Variants in ESR1 observed in about 807,000 individuals in gnomAD.
ESR1 encodes estrogen receptor.
ESR1 carries 12 observed loss-of-function variants against 52.7 expected under a neutral mutation model. The ratio of observed to expected loss-of-function variants is 0.23; its 90% confidence interval spans 0.15 to 0.37. ESR1 has a LOEUF of 0.37. Ranked by LOEUF, ESR1 falls within the 10% of genes least tolerant of loss-of-function variation. ESR1 has a pLI of 1.00. For synonymous variants in ESR1, 305 were observed against 316.8 expected (o/e 0.96, Z 0.39); for missense variants, 584 against 779.7 (o/e 0.75, Z 2.99).
intron 2 of ESR1, among the ~76,000 whole-genome samples, chr6:151,756,671 GA>G (rs1323655723): frequency 6.6e-6 from 1 of 152,204 alleles, no homozygotes; most frequent in African/African-American, 2.4e-5. Flanking sequence ...AATAAATTGA[GA>G]GTAACAAATT....
chr6:151,870,316 T>C (rs1790719421), intron 2 of ESR1, among the ~76,000 whole-genome samples: 1 of 152,202 alleles, frequency 6.6e-6, no homozygotes, highest in Non-Finnish European at 1.5e-5. Context: ...GAGATATAAC[T>C]ATGGAAGTGT....
intron 2 of ESR1, among the ~76,000 whole-genome samples, chr6:151,713,317 TG>T (rs1291230162): frequency 2.6e-5 from 4 of 152,204 alleles, no homozygotes; most frequent in Non-Finnish European, 5.9e-5. Context: ...GTTGTGTCTC[TG>T]CCAAGTTTTG....
chr6:151,838,398 A>G (rs1199926849), intron 1 of ESR1, among the ~76,000 whole-genome samples: 3 of 152,182 alleles, frequency 2.0e-5, no homozygotes, highest in Non-Finnish European at 4.4e-5. Context: ...TGATCTAGCC[A>G]TAGGTACTCA....
intron 4 of ESR1, among the ~76,000 whole-genome samples, chr6:151,960,145 G>A (rs1003523728): frequency 1.3e-5 from 2 of 152,156 alleles, no homozygotes; most frequent in East Asian, 3.8e-4. Flanking sequence ...AGTCTGGTTG[G>A]AAATGGCAGC....
intron 4 of ESR1, among the ~76,000 whole-genome samples, chr6:151,988,332 C>T (rs111676233): frequency 8.6e-4 from 131 of 152,124 alleles, no homozygotes; most frequent in Middle Eastern, 6.8e-3. Context: ...GTGCACAGTT[C>T]ACAGTAGGAT....
At position 152,122,732 on chromosome 6, in the gene ESR1, G is replaced by C. The variant is rs1182385674; in HGVS notation, c.851-2534G>C. On this transcript the variant is annotated intron_variant, in intron 6 of 6. Coordinates refer to the ESR1 transcript ENST00000427531. Reference sequence around the variant, plus strand: ...ATAACTCCAGTGTCGGAGGGACGCTGCTTTTTGCCTCTGCACCTTCCTGGA... The same window carrying C: ...ATAACTCCAGTGTCGGAGGGACGCTCCTTTTTGCCTCTGCACCTTCCTGGA... The C allele has an allele frequency of 6.8e-6, 11 of 1,609,266 alleles. No homozygotes were observed. In the Admixed American group the frequency reaches 1.8e-4, roughly 27 times the overall value.
At chr6:151,850,294 A>G (rs1786409608) in intron 2 of ESR1, among the ~76,000 whole-genome samples, 1 of 150,192 alleles carries the variant, frequency 6.7e-6, no homozygotes, top group Non-Finnish European at 1.5e-5. Context: ...ATACTTCAGT[A>G]TATGGGCCCT....
rs1269304129 is a variant in ESR1 at position 151,990,502 on chromosome 6, A to G, written c.1097-21154A>G. 3.3e-5 allele frequency among the ~76,000 whole-genome samples: 5 copies of G among 152,218 alleles called. No individual in the cohort carries two copies. The South Asian group carries it at 1.0e-3, about 32-fold the overall frequency. ...CTTGAAGTCCTCTGCATCTAACTTT[A>G]GGATGAGGAAAGTGAAGGTGGAGGA... On this transcript the variant is annotated intron_variant, in intron 4 of 7. Transcript: ENST00000206249.
rs71575910 is a variant in ESR1 at position 151,899,573 on chromosome 6, A to G, written c.760+18802A>G. Among the ~76,000 whole-genome samples the G allele has an allele frequency of 9.0e-3, 490 of 54,402 alleles. 1 individual carries two copies. The highest frequency in any genetic ancestry group is 0.016 in the Middle Eastern group (1 of 62). The allele number at this position is 54,402 out of a possible 152,430, so 35.7% of individuals were successfully genotyped here. ...GGACGGGGCGGCTGGCCGGGCGGGGAGCTGACCCCCCCACCTCCCTCCCGG... is the reference window on the plus strand; with the variant it reads ...GGACGGGGCGGCTGGCCGGGCGGGGGGCTGACCCCCCCACCTCCCTCCCGG... On this transcript the variant is annotated intron_variant, in intron 3 of 7. Coordinates refer to ENST00000206249, the MANE Select transcript of ESR1 (RefSeq NM_000125.4).
At chr6:151,752,167 C>G (rs1287414664) in intron 2 of ESR1, among the ~76,000 whole-genome samples, 2 of 152,104 alleles carry the variant, frequency 1.3e-5, no homozygotes, top group African/African-American at 2.4e-5. Context: ...CTAAAAGCAG[C>G]CATGTCCAAT....
chr6:152,075,492 A>G (rs1041200892), intron 6 of ESR1, among the ~76,000 whole-genome samples: 15 of 152,236 alleles, frequency 9.9e-5, no homozygotes, highest in African/African-American at 3.6e-4. Flanking sequence ...CTCACTTAGA[A>G]TGATAGAAAC....
At chr6:151,657,275 A>C (rs1582824103) in intron 1 of ESR1, among the ~76,000 whole-genome samples, 2 of 152,222 alleles carry the variant, frequency 1.3e-5, no homozygotes, top group African/African-American at 2.4e-5. Flanking sequence ...CCACTGCACC[A>C]ATGAAAAAGG....
rs182289509 is a variant in ESR1 at position 151,978,160 on chromosome 6, T to C, written c.1097-33496T>C. 1.5e-3 allele frequency among the ~76,000 whole-genome samples: 232 copies of C among 152,136 alleles called. 4 individuals carry two copies. The highest frequency in any genetic ancestry group is 2.4e-4 in the Non-Finnish European group (16 of 67,996). Reference sequence around the variant, plus strand: ...TGCACAAAGTCAACAGCTGAAAAATTGACCAAGCAGATATGAAAATAAAAT... The same window carrying C: ...TGCACAAAGTCAACAGCTGAAAAATCGACCAAGCAGATATGAAAATAAAAT... On this transcript the variant is annotated intron_variant, in intron 4 of 7. Transcript: ENST00000206249.
intron 3 of ESR1, among the ~76,000 whole-genome samples, chr6:151,895,584 A>G (rs1795369548): frequency 6.6e-6 from 1 of 152,144 alleles, no homozygotes; most frequent in South Asian, 2.1e-4. Context: ...TGAAGGTTTT[A>G]ATCATAAAGG....
At chr6:152,049,136 G>A (rs2046465919) in intron 5 of ESR1, among the ~76,000 whole-genome samples, 1 of 152,190 alleles carries the variant, frequency 6.6e-6, no homozygotes. Context: ...AACTGAACAA[G>A]CAAACTCAAG....
At chr6:151,975,203 T>A (rs1326839764) in intron 4 of ESR1, among the ~76,000 whole-genome samples, 1 of 152,208 alleles carries the variant, frequency 6.6e-6, no homozygotes, top group Admixed American at 6.5e-5. Flanking sequence ...AGCTTACTTC[T>A]AAGGATGGAA....
chr6:152,009,717 T>G (rs1187877512), intron 4 of ESR1, among the ~76,000 whole-genome samples: 2 of 152,186 alleles, frequency 1.3e-5, no homozygotes, highest in Non-Finnish European at 2.9e-5. Flanking sequence ...TATACAGATA[T>G]CCTACTCTTA....
At chr6:151,808,419 G>A in intron 1 of ESR1, 55 bp downstream of exon 1, 1 of 1,151,158 alleles carries the variant, frequency 8.7e-7, no homozygotes, top group Non-Finnish European at 1.2e-6. Flanking sequence ...CAGGAGGGAG[G>A]GAGGGAGGGA....
chr6:151,844,084 A>G (rs1784722470), intron 2 of ESR1, among the ~76,000 whole-genome samples: 2 of 151,638 alleles, frequency 1.3e-5, no homozygotes, highest in African/African-American at 4.8e-5. Context: ...GATATTCTCA[A>G]TAGTAATCTT....
Sources: allele counts gnomAD v4.1 joint callset (sites outside exome capture counted in the v4.1 genomes callset), GRCh38; gene constraint gnomAD v4.1.1; transcripts MANE v1.5; gene names NCBI Gene and HGNC (gene_info 2026-07-23, HGNC 2026-07-21).